Variants in EXOSC10 observed in about 807,000 individuals in gnomAD.
EXOSC10 encodes the protein exosome complex component 10.
In EXOSC10, 94 loss-of-function variants were observed where a neutral mutation model predicts 126.6. That is an observed-to-expected ratio of 0.74 (90% CI 0.63 to 0.88). The LOEUF is 0.88. EXOSC10 is among the 40% of genes least tolerant of loss of function. The pLI is 0.00. For missense variants in EXOSC10, 1,041 were observed against 1,100.5 expected, an observed-to-expected ratio of 0.95 and a Z score of 0.77; for synonymous variants, 395 against 400.8, an observed-to-expected ratio of 0.99 and a Z score of 0.17.
At position 11,095,769 on chromosome 1, in the gene EXOSC10, G is replaced by C; in HGVS notation, c.361C>G (p.Leu121Val). ...DLLVDANDVILERVGILLDEA... is the reference protein window; with the variant it reads ...DLLVDANDVIVERVGILLDEA... ...GGGAAAATACTCACCACTCTCTCCA[G>C]AATTACATCATTGGCATCAACTAGT... is the stretch of plus-strand genomic sequence containing the variant. Residue 121 changes from leucine to valine, a missense_variant, in exon 3 of 25, where the codon CTG becomes GTG. This residue lies in a region of EXOSC10 where 645 missense variants were observed against 656.3 expected (regional missense o/e 0.98). Coordinates refer to ENST00000376936, the MANE Select transcript of EXOSC10 (RefSeq NM_001001998.3). 1 of 1,614,042 alleles carries C rather than the reference G, an allele frequency of 6.2e-7. No individual in the cohort carries two copies. Among genetic ancestry groups the C allele is most frequent in the South Asian group, 1.1e-5 (1 of 91,080 alleles).
intron 19 of EXOSC10, 106 bp from the exon 20 acceptor site, chr1:11,072,277 C>T: frequency 2.7e-6 from 2 of 742,050 alleles, no homozygotes; most frequent in African/African-American, 1.7e-5. Flanking sequence ...AAGAAGTACA[C>T]ACATTCTAAG....
Position 11,091,531 on chromosome 1 carries a change from G to A in EXOSC10, c.439C>T (p.Gln147Ter). ...CTGGACACTACCGTTTTGGGGACCT[G>A]CAAGCCGGCAGGGAGGACAGGCTGT... ...NQQPVLPAGL[Q>*]VPKTVVSSWN... Residue 147 changes from glutamine (Q) to a stop codon, truncating the protein, a stop_gained, in exon 4 of 25, where the codon CAG (glutamine) becomes TAG (stop). Transcript: ENST00000376936. LOFTEE classifies it high-confidence loss of function. 6.2e-7 allele frequency: 1 copy of A among 1,614,174 alleles called. No individual in the cohort carries two copies. Among genetic ancestry groups the A allele is most frequent in the Non-Finnish European group, 8.5e-7 (1 of 1,180,026 alleles).
In EXOSC10 at chr1:11,089,158, G is replaced by A. The variant is rs900330458; in HGVS notation, c.759-960C>T. Among the ~76,000 whole-genome samples the A allele has an allele frequency of 2.0e-5, 3 of 150,520 alleles. No homozygotes were observed. The South Asian group carries it at 6.3e-4, about 31-fold the overall frequency. ...AGGCAGGGGGATTGCTTGAGCCCCA[G>A]GGTTCAAGGCTACAGTGAGCTATGA... is the stretch of plus-strand genomic sequence containing the variant. On this transcript the variant is annotated intron_variant, in intron 6 of 24. Transcript: ENST00000376936.
At chr1:11,090,459 C>T (rs1041425701) in intron 6 of EXOSC10, 95 bp downstream of exon 6, 16 of 987,902 alleles carry the variant, frequency 1.6e-5, no homozygotes, top group African/African-American at 4.8e-5. Context: ...ATCACTACTC[C>T]TCAGATTGTT....
In EXOSC10 at chr1:11,082,328, C is replaced by T. The variant is rs552917016; in HGVS notation, c.1280+360G>A. On this transcript the variant is annotated intron_variant, in intron 10 of 24. Transcript: ENST00000376936. ...TTCCCACCTATGGAAGGTCATCTTG[C>T]ACACACACACACACACACAATCATC... Among the ~76,000 whole-genome samples, 20 of 145,016 alleles carry T rather than the reference C, an allele frequency of 1.4e-4. No homozygotes were observed. The South Asian group carries it at 4.7e-3, about 34-fold the overall frequency.
intron 12 of EXOSC10, 70 bp downstream of exon 12, chr1:11,080,694 C>T: frequency 6.2e-7 from 1 of 1,601,588 alleles, no homozygotes; most frequent in South Asian, 1.1e-5. Context: ...AAGAAAAAAG[C>T]CCATTATTTA....
chr1:11,066,717 A>C lies in EXOSC10; in HGVS notation c.*1T>G. On this transcript the variant is annotated 3_prime_UTR_variant, in exon 25 of 25. Transcript: ENST00000376936. ...CCACAGGCGCCACGTGTCTTCCAGG[A>C]CTATCTCTGTGGCCAGTTGTACCTG... 1 of 1,614,230 alleles carries C rather than the reference A, an allele frequency of 6.2e-7. No homozygotes were observed. Among genetic ancestry groups the C allele is most frequent in the Non-Finnish European group, 8.5e-7 (1 of 1,180,018 alleles).
In EXOSC10 at chr1:11,088,289, A is replaced by G. The variant is rs571458490; in HGVS notation, c.759-91T>C. 1.6e-4 allele frequency: 138 copies of G among 846,362 alleles called. 2 individuals carry two copies. In the South Asian group the frequency reaches 2.1e-3, roughly 13 times the overall value. The allele number at this position is 846,362 out of a possible 1,614,324, so 52.4% of individuals were successfully genotyped here. ...CCTTTTATCCAATCTGTAAAAACAA[A>G]TGAGAAAAGACCACTGTGAAAATAT... is the stretch of plus-strand genomic sequence containing the variant. On this transcript the variant is annotated intron_variant, in intron 6 of 24. Coordinates refer to ENST00000376936, the MANE Select transcript of EXOSC10 (RefSeq NM_001001998.3).
At chr1:11,084,590 T>C (rs899559939) in intron 9 of EXOSC10, among the ~76,000 whole-genome samples, 1 of 152,208 alleles carries the variant, frequency 6.6e-6, no homozygotes, top group African/African-American at 2.4e-5. Context: ...TTCACTCTGA[T>C]GGTAGTTTCT....
chr1:11,092,751 T>C (rs1470660296), intron 3 of EXOSC10, among the ~76,000 whole-genome samples: 1 of 151,844 alleles, frequency 6.6e-6, no homozygotes, highest in Non-Finnish European at 1.5e-5. Flanking sequence ...ACTCTTGACC[T>C]CAAGTGATCC....
In EXOSC10 at chr1:11,072,250, G is replaced by A. The variant is rs764013576; in HGVS notation, c.2158-79C>T. 316 of 1,020,034 alleles carry A rather than the reference G, an allele frequency of 3.1e-4. 2 individuals carry two copies. Among genetic ancestry groups the A allele is most frequent in the South Asian group, 1.3e-3 (95 of 70,888 alleles). 63.2% of individuals were successfully genotyped at this position (1,020,034 alleles called of 1,614,324 possible). A position where few individuals can be genotyped will look rare whatever the true frequency, so the allele number is the denominator to read the frequency against. On this transcript the variant is annotated intron_variant, in intron 19 of 24. Coordinates refer to ENST00000376936, the MANE Select transcript of EXOSC10 (RefSeq NM_001001998.3). ...TCTGTCTTACTTTTCATGAGGTGAC[G>A]AAGGGCAGGTTAACCTAAGAAGTAC...
chr1:11,080,563 A>AAAACACACAC lies in EXOSC10; in HGVS notation c.1587-15_1587-14insGTGTGTGTTT, dbSNP rs763871842. 15 of 1,423,612 alleles carry AAAACACACAC rather than the reference A, an allele frequency of 1.1e-5. No individual in the cohort carries two copies. In the African/African-American group the frequency reaches 1.8e-4, roughly 17 times the overall value. The allele number at this position is 1,423,612 out of a possible 1,614,324, so 88.2% of individuals were successfully genotyped here. Reference sequence around the variant, plus strand: ...GGCAGTACATATCTGGAAAAAAAAAAACACACACACACACACACACACACA... The same window carrying AAAACACACAC: ...GGCAGTACATATCTGGAAAAAAAAAAAAACACACACACACACACACACACACACACACACA... On this transcript the variant is annotated splice_polypyrimidine_tract_variant and intron_variant, in intron 12 of 24. Coordinates refer to ENST00000376936, the MANE Select transcript of EXOSC10 (RefSeq NM_001001998.3).
Position 11,078,272 on chromosome 1 carries a change from T to TTTTTTTTTTTTTTTTTTTA in EXOSC10, c.1750-622_1750-621insTAAAAAAAAAAAAAAAAAA, listed in dbSNP as rs1639936937. Among the ~76,000 whole-genome samples the TTTTTTTTTTTTTTTTTTTA allele has an allele frequency of 1.3e-5, 2 of 150,914 alleles. 1 individual carries two copies. Among genetic ancestry groups the TTTTTTTTTTTTTTTTTTTA allele is most frequent in the African/African-American group, 4.9e-5 (2 of 40,746 alleles). ...AGAGCAAGACCCTGTTTCTTTTTTT[T>TTTTTTTTTTTTTTTTTTTA]TTTGAGACGGAGTCTCGCTCTGTCG... On this transcript the variant is annotated intron_variant, in intron 14 of 24. Transcript: ENST00000376936.
At position 11,099,836 on chromosome 1, in the gene EXOSC10, T is replaced by C. The variant is rs1213648908; in HGVS notation, c.-5A>G. Reference sequence around the variant, plus strand: ...CCGGGTACTGGGTGGCGCCATTTTTTCAGCCTGCACGGCTCGTCTCGCGAG... The same window carrying C: ...CCGGGTACTGGGTGGCGCCATTTTTCCAGCCTGCACGGCTCGTCTCGCGAG... On this transcript the variant is annotated 5_prime_UTR_variant, in exon 1 of 25. Coordinates refer to ENST00000376936, the MANE Select transcript of EXOSC10 (RefSeq NM_001001998.3). 5 of 1,602,502 alleles carry C rather than the reference T, an allele frequency of 3.1e-6. No individual in the cohort carries two copies. Among genetic ancestry groups the C allele is most frequent in the Non-Finnish European group, 4.3e-6 (5 of 1,174,048 alleles).
intron 22 of EXOSC10, 72 bp downstream of exon 22, chr1:11,069,487 G>A: frequency 6.6e-7 from 1 of 1,511,346 alleles, no homozygotes; most frequent in Non-Finnish European, 9.0e-7. Context: ...CCCCTATATT[G>A]TGGTCTCTTT....
At chr1:11,071,850 C>G (rs139644621) in intron 20 of EXOSC10, 34 of 439,250 alleles carry the variant, frequency 7.7e-5, no homozygotes, top group Admixed American at 6.5e-4. Flanking sequence ...ATTCATTAGA[C>G]TGCCTTCTCC....
At chr1:11,092,959 T>C (rs1640883259) in intron 3 of EXOSC10, among the ~76,000 whole-genome samples, 1 of 152,240 alleles carries the variant, frequency 6.6e-6, no homozygotes, top group Non-Finnish European at 1.5e-5. Context: ...TGAGCACATT[T>C]AAAGCAGGTT....
intron 3 of EXOSC10, among the ~76,000 whole-genome samples, chr1:11,093,868 G>A (rs1640925696): frequency 6.6e-6 from 1 of 152,010 alleles, no homozygotes; most frequent in South Asian, 2.1e-4. Flanking sequence ...AGGATTGTTT[G>A]AGGAGTTCAA....
intron 10 of EXOSC10, among the ~76,000 whole-genome samples, chr1:11,082,189 A>G (rs1046437718): frequency 2.0e-5 from 3 of 152,148 alleles, no homozygotes; most frequent in African/African-American, 7.2e-5. Flanking sequence ...GGTAGCAACC[A>G]AGCGGAAAAC....
Sources: gnomAD v4.1 joint callset for allele counts (sites outside exome capture counted in the v4.1 genomes callset) on GRCh38, gnomAD v4.1.1 for gene constraint, gnomAD v4.1.1 regional missense constraint, MANE v1.5 for transcripts, NCBI Gene and HGNC (gene_info 2026-07-23, HGNC 2026-07-21) for gene names.